Variants in CATSPERE observed in about 807,000 individuals in gnomAD.
The protein encoded by CATSPERE is cation channel sperm-associated auxiliary subunit epsilon.
CATSPERE carries 93 observed loss-of-function variants against 114.1 expected under a neutral mutation model. The ratio of observed to expected loss-of-function variants is 0.81; its 90% CI spans 0.69 to 0.97. The LOEUF (loss-of-function observed/expected upper bound fraction) is 0.97, where lower values mean the gene tolerates loss of function less well. Among genes scored for constraint, CATSPERE ranks in the 50% least tolerant of loss-of-function variants. CATSPERE has a pLI of 0.00. For missense variants in CATSPERE, 1,058 were observed against 1,131.6 expected (o/e 0.93, Z 0.93); for synonymous variants, 341 against 384.1 (o/e 0.89, Z 1.31).
chr1:244,477,508 A>G, intron 2 of CATSPERE, 33 bp from the exon 3 acceptor site: 1 of 1,271,050 alleles, frequency 7.9e-7, no homozygotes, highest in Non-Finnish European at 1.1e-6. Context: ...TTTGAATGAT[A>G]TTTTTTGTTC....
At chr1:244,638,252 T>G (rs1341117029) in intron 21 of CATSPERE, among the ~76,000 whole-genome samples, 2 of 152,252 alleles carry the variant, frequency 1.3e-5, no homozygotes, top group African/African-American at 4.8e-5. Context: ...CTCTGCCGAT[T>G]AGTTCTCATT....
rs927869031 is a variant in CATSPERE at position 244,568,436 on chromosome 1, G to A, written c.1508-3894G>A. Among the ~76,000 whole-genome samples, 4 of 152,180 alleles carry A rather than the reference G, an allele frequency of 2.6e-5. No homozygotes were observed. Among genetic ancestry groups the A allele is most frequent in the Admixed American group, 6.5e-5 (1 of 15,284 alleles). ...GAACGTTTAAGTCTGCTGAAGCTGC[G>A]CCCAGGGCCACCCCTTTCCCCAGGT... On this transcript the variant is annotated intron_variant, in intron 10 of 21. Coordinates refer to ENST00000366534, the MANE Select transcript of CATSPERE (RefSeq NM_001130957.2). The surrounding 1 kb of genome is among the most constrained non-coding windows in gnomAD (Gnocchi z 4.4).
chr1:244,577,750 A>T (rs77637331), intron 11 of CATSPERE, among the ~76,000 whole-genome samples: 1 of 152,224 alleles, frequency 6.6e-6, no homozygotes, highest in East Asian at 1.9e-4. Flanking sequence ...GTTTTAACAC[A>T]TAAGTTTTAG....
rs1474883177 is a variant in CATSPERE at position 244,469,439 on chromosome 1, T to C, written c.114+5483T>C. ...CACTTTCTTCCCTTCTGAATTATTTTGAAACTATCCCATACATATCCTTTC... is the reference window on the plus strand; with the variant it reads ...CACTTTCTTCCCTTCTGAATTATTTCGAAACTATCCCATACATATCCTTTC... On this transcript the variant is annotated intron_variant, in intron 2 of 21. Coordinates refer to ENST00000366534, the MANE Select transcript of CATSPERE (RefSeq NM_001130957.2). 5.3e-5 allele frequency among the ~76,000 whole-genome samples: 8 copies of C among 152,322 alleles called. No homozygotes were observed. In the South Asian group the frequency reaches 1.7e-3, roughly 32 times the overall value.
chr1:244,462,732 G>A (rs115724521), intron 1 of CATSPERE, among the ~76,000 whole-genome samples: 1,675 of 152,138 alleles, frequency 0.011, 40 homozygotes, highest in African/African-American at 0.038. Context: ...TACAGAAAAT[G>A]TGTTTCATTA....
Position 244,461,495 on chromosome 1 carries a change from G to A in CATSPERE, c.65+1G>A. On this transcript the variant is annotated splice_donor_variant, in intron 1 of 21. Transcript: ENST00000366534. LOFTEE classifies it high-confidence loss of function. ...GCTGCTATGGCTCCGCCCTTTGGAG[G>A]TAGAGAGACGCCAGTCGCAGGCGAG... is the stretch of plus-strand genomic sequence containing the variant. 7.6e-7 allele frequency: 1 copy of A among 1,317,100 alleles called. No individual in the cohort carries two copies. Among genetic ancestry groups the A allele is most frequent in the Non-Finnish European group, 9.8e-7 (1 of 1,024,526 alleles). 81.6% of individuals were successfully genotyped at this position (1,317,100 alleles called of 1,614,324 possible).
At chr1:244,627,200 T>C (rs887059727) in intron 20 of CATSPERE, among the ~76,000 whole-genome samples, 4 of 152,200 alleles carry the variant, frequency 2.6e-5, no homozygotes, top group East Asian at 3.9e-4. Context: ...ATACGTAACA[T>C]TGATTAAGTC....
chr1:244,480,199 T>C (rs929988045), intron 5 of CATSPERE, among the ~76,000 whole-genome samples: 24 of 152,190 alleles, frequency 1.6e-4, no homozygotes, highest in African/African-American at 5.8e-4. Flanking sequence ...ATACCTTCTT[T>C]GTATTGGATA....
At chr1:244,576,087 TC>T (rs1665222355) in intron 11 of CATSPERE, among the ~76,000 whole-genome samples, 1 of 152,128 alleles carries the variant, frequency 6.6e-6, no homozygotes, top group Non-Finnish European at 1.5e-5. Flanking sequence ...CTTTACCGGC[TC>T]CTCCAGTGTT....
intron 21 of CATSPERE, among the ~76,000 whole-genome samples, 200 bp from the exon 22 acceptor site, chr1:244,639,728 T>C (rs1273631412): frequency 2.6e-5 from 4 of 151,410 alleles, no homozygotes; most frequent in Admixed American, 6.6e-5. Flanking sequence ...CATCACTGCA[T>C]TGATCACCTT....
intron 6 of CATSPERE, among the ~76,000 whole-genome samples, chr1:244,493,934 T>C (rs1188629999): frequency 6.6e-6 from 1 of 152,138 alleles, no homozygotes; most frequent in Non-Finnish European, 1.5e-5. Flanking sequence ...ATGGCGATCA[T>C]TAAAAAGTCA....
intron 11 of CATSPERE, among the ~76,000 whole-genome samples, chr1:244,579,958 G>A (rs1665914966): frequency 6.6e-6 from 1 of 152,058 alleles, no homozygotes; most frequent in Admixed American, 6.6e-5. Flanking sequence ...CGCATACTAA[G>A]TACTATATGT....
At chr1:244,452,925 CG>C (rs956689082), upstream of CATSPERE, among the ~76,000 whole-genome samples, 4 of 152,006 alleles carry the variant, frequency 2.6e-5, no homozygotes, top group African/African-American at 7.3e-5. Flanking sequence ...AAAGGTGCTT[CG>C]AAAAAAAGTG....
chr1:244,595,795 T>C (rs980684093), intron 17 of CATSPERE, among the ~76,000 whole-genome samples: 1 of 152,118 alleles, frequency 6.6e-6, no homozygotes, highest in South Asian at 2.1e-4. Context: ...TAGCCGGGCG[T>C]GGTGGCGGGC....
chr1:244,593,644 G>T (rs1213747717), intron 17 of CATSPERE, 66 bp downstream of exon 17: 7 of 1,324,472 alleles, frequency 5.3e-6, no homozygotes, highest in Admixed American at 3.6e-5. Flanking sequence ...ACGAAAACAA[G>T]ACTAATTGAT....
Position 244,586,116 on chromosome 1 carries a change from T to C in CATSPERE, c.2085+2177T>C, listed in dbSNP as rs139853334. Among the ~76,000 whole-genome samples the C allele has an allele frequency of 3.1e-3, 467 of 152,312 alleles. 3 individuals are homozygous for C. Among genetic ancestry groups the C allele is most frequent in the African/African-American group, 0.011 (447 of 41,572 alleles). The stretch of plus-strand genomic sequence containing the variant: ...GAAGTGTTGTCATTTAGGCCATATG[T>C]CAGAATCTCTCTAATTAGGTGTCCA... On this transcript the variant is annotated intron_variant, in intron 13 of 21. Transcript: ENST00000366534.
At chr1:244,461,554 C>G (rs1374885924) in intron 1 of CATSPERE, 60 bp downstream of exon 1, 4 of 1,234,308 alleles carry the variant, frequency 3.2e-6, no homozygotes, top group Non-Finnish European at 4.1e-6. Flanking sequence ...GCGGGGCAGG[C>G]GGGAGGGTCC....
chr1:244,571,583 C>T (rs1664466270), intron 10 of CATSPERE, among the ~76,000 whole-genome samples: 1 of 152,132 alleles, frequency 6.6e-6, no homozygotes, highest in South Asian at 2.1e-4. Flanking sequence ...TGCTTTATAC[C>T]ACTCTCACCC....
At chr1:244,542,421 A>G (rs987243942) in intron 8 of CATSPERE, among the ~76,000 whole-genome samples, 23 of 152,116 alleles carry the variant, frequency 1.5e-4, no homozygotes, top group Admixed American at 6.6e-5. Flanking sequence ...TAGTGTACCC[A>G]TTACCCAAAT....
Sources: gnomAD v4.1 joint callset for allele counts (sites outside exome capture counted in the v4.1 genomes callset) on GRCh38, gnomAD v4.1.1 for gene constraint, Gnocchi (gnomAD v3.1) non-coding constraint, MANE v1.5 for transcripts, NCBI Gene and HGNC (gene_info 2026-07-23, HGNC 2026-07-21) for gene names.